The following ABCC9 variants were observed in gnomAD, a reference collection of about 807,000 sequenced individuals.
ABCC9 encodes ATP binding cassette subfamily C member 9.
ABCC9 carries 95 observed loss-of-function variants against 188.3 expected under a neutral mutation model. That is an observed-to-expected ratio of 0.50 (90% CI 0.43 to 0.60). The LOEUF is 0.60. ABCC9 is among the 20% of genes least tolerant of loss of function. The probability of loss-of-function intolerance (pLI) is 0.00; values close to 1 mark genes in which losing one functional copy is unlikely to be tolerated. For synonymous variants in ABCC9, 659 were observed against 652.7 expected (o/e 1.01, Z -0.15); for missense variants, 1,102 against 1,876.3 (o/e 0.59, Z 7.62).
chr12:21,861,006 A>G lies in ABCC9; in HGVS notation c.2389T>C (p.Leu797=). Reference sequence around the variant, plus strand: ...ATTTCAGTTTGATCTCCAAATGGTAATAAGTCAATATCTGGCTGAAGAGAA... The same window carrying G: ...ATTTCAGTTTGATCTCCAAATGGTAGTAAGTCAATATCTGGCTGAAGAGAA... ...ACSLQPDIDL[L]PFGDQTEIGE... The change falls in exon 21 of 40, where the codon TTA becomes CTA. Residue 797 remains leucine, a synonymous_variant. Coordinates refer to ENST00000261200, the MANE Select transcript of ABCC9 (RefSeq NM_020297.4). 1 of 1,613,688 alleles carries G rather than the reference A, an allele frequency of 6.2e-7. No individual in the cohort carries two copies. Among genetic ancestry groups the G allele is most frequent in the African/African-American group, 1.3e-5 (1 of 75,022 alleles).
intron 5 of ABCC9, among the ~76,000 whole-genome samples, chr12:21,919,490 T>C (rs930991965): frequency 7.2e-5 from 11 of 151,972 alleles, no homozygotes; most frequent in African/African-American, 2.7e-4. Context: ...GTAGATACTC[T>C]GAAAATTCTA....
chr12:21,812,792 T>A (rs571382959), intron 35 of ABCC9, among the ~76,000 whole-genome samples: 4 of 152,136 alleles, frequency 2.6e-5, no homozygotes, highest in Non-Finnish European at 5.9e-5. Context: ...GGCACATGTA[T>A]ACCTATGTAA....
intron 20 of ABCC9, among the ~76,000 whole-genome samples, 171 bp from the exon 21 acceptor site, chr12:21,861,226 C>CG (rs372155001): frequency 6.9e-6 from 1 of 145,950 alleles, no homozygotes; most frequent in East Asian, 2.0e-4. Flanking sequence ...TACTACTTCC[C>CG]CCCCCTTTTT....
chr12:21,931,397 TA>T lies in ABCC9; in HGVS notation c.284+2384del, dbSNP rs746472646. 6.8e-3 allele frequency among the ~76,000 whole-genome samples: 973 copies of T among 142,646 alleles called. 14 individuals carry two copies. The highest frequency in any genetic ancestry group is 0.025 in the East Asian group (126 of 5,006). 93.6% of individuals were successfully genotyped at this position (142,646 alleles called of 152,430 possible). A position where few individuals can be genotyped will look rare whatever the true frequency, so the allele number is the denominator to read the frequency against. On this transcript the variant is annotated intron_variant, in intron 4 of 39. Coordinates refer to ENST00000261200, the MANE Select transcript of ABCC9 (RefSeq NM_020297.4). ...AGTCAATTAAACCTTTTTACTTTAT[TA>T]AAAAAAAAAAAGAAGTAACTAGAAG...
chr12:21,859,547 A>G, intron 22 of ABCC9, 39 bp downstream of exon 22: 1 of 1,575,674 alleles, frequency 6.3e-7, no homozygotes, highest in Non-Finnish European at 8.7e-7. Context: ...TCCAGATGGA[A>G]GAATGAAATA....
At chr12:21,934,027 G>A (rs1017587667) in intron 3 of ABCC9, 104 bp from the exon 4 acceptor site, 5 of 1,216,386 alleles carry the variant, frequency 4.1e-6, no homozygotes, top group South Asian at 1.3e-5. Context: ...GGGTGGGGGG[G>A]TCCTGAAACC....
At chr12:21,922,288 G>C (rs891536484) in intron 5 of ABCC9, among the ~76,000 whole-genome samples, 1 of 151,628 alleles carries the variant, frequency 6.6e-6, no homozygotes, top group African/African-American at 2.4e-5. Context: ...TCACTTCTTT[G>C]GTTAATTCCT....
At chr12:21,891,232 A>T (rs190297529) in intron 14 of ABCC9, among the ~76,000 whole-genome samples, 1 of 152,298 alleles carries the variant, frequency 6.6e-6, no homozygotes, top group African/African-American at 2.4e-5. Context: ...TCCACAGAAG[A>T]TGCTCTGAGG....
chr12:21,862,650 C>T (rs1275599165), intron 20 of ABCC9, among the ~76,000 whole-genome samples: 1 of 152,116 alleles, frequency 6.6e-6, no homozygotes, highest in African/African-American at 2.4e-5. Context: ...TATCTTCTCA[C>T]CAACAACCTA....
chr12:21,919,009 A>G (rs1268042122), intron 5 of ABCC9, among the ~76,000 whole-genome samples: 2 of 152,176 alleles, frequency 1.3e-5, no homozygotes, highest in Admixed American at 6.6e-5. Context: ...TACATTAACT[A>G]TAATAAAAAT....
At chr12:21,863,492 G>C (rs1945628858) in intron 19 of ABCC9, among the ~76,000 whole-genome samples, 1 of 151,970 alleles carries the variant, frequency 6.6e-6, no homozygotes, top group Admixed American at 6.6e-5. Flanking sequence ...TGGCTTTGTG[G>C]CTTAATCACA....
intron 14 of ABCC9, among the ~76,000 whole-genome samples, chr12:21,893,250 C>G (rs763905791): frequency 1.3e-5 from 2 of 152,070 alleles, no homozygotes; most frequent in Non-Finnish European, 2.9e-5. Flanking sequence ...GAGACAAAAT[C>G]TGCACTGGTT....
chr12:21,887,796 C>T, intron 15 of ABCC9, 30 bp downstream of exon 15: 1 of 1,425,584 alleles, frequency 7.0e-7, no homozygotes, highest in Non-Finnish European at 9.9e-7. Context: ...CCTCTATTCA[C>T]AACTTCCAAA....
At chr12:21,841,347 CTTTTTTTTTTTT>C (rs1174314931) in intron 29 of ABCC9, among the ~76,000 whole-genome samples, 375 of 19,572 alleles carry the variant, frequency 0.019, 3 homozygotes, top group African/African-American at 0.089. Flanking sequence ...TTCTGGTTTC[CTTTTTTTTTTTT>C]TTTTTTTTTT....
chr12:21,850,610 G>C (rs4148674), intron 24 of ABCC9, among the ~76,000 whole-genome samples: 53,929 of 151,978 alleles, frequency 0.35, 10,212 homozygotes, highest in Middle Eastern at 0.49. Context: ...ACAACTTAAT[G>C]GACTTTCTTC....
intron 5 of ABCC9, 34 bp downstream of exon 5, chr12:21,925,908 T>G: frequency 2.6e-5 from 41 of 1,596,178 alleles, no homozygotes; most frequent in Non-Finnish European, 3.4e-5. Flanking sequence ...CAAATATCTC[T>G]TTAAGGAGAA....
At chr12:21,895,125 C>T (rs1184070843) in intron 13 of ABCC9, 150 bp downstream of exon 13, 1 of 680,012 alleles carries the variant, frequency 1.5e-6, no homozygotes, top group African/African-American at 1.8e-5. Context: ...TACTGAGAAA[C>T]CCTGGATTAG....
rs886295615 is a variant in ABCC9 at position 21,861,032 on chromosome 12, C to T, written c.2363G>A (p.Cys788Tyr). The change falls in exon 21 of 40, where the codon TGT (cysteine) becomes TAT (tyrosine). Residue 788 changes from cysteine (C) to tyrosine (Y), a missense_variant. By Grantham distance (194) the Cys-to-Tyr change is radical. Coordinates refer to ENST00000261200, the MANE Select transcript of ABCC9 (RefSeq NM_020297.4). ...TAAGTCAATATCTGGCTGAAGAGAA[C>T]AGGCATCTGTGACAGCTTTGTACCT... ...KQRYKAVTDACSLQPDIDLLP... is the reference protein window; with the variant it reads ...KQRYKAVTDAYSLQPDIDLLP... The T allele has an allele frequency of 1.2e-6, 2 of 1,613,442 alleles. No individual in the cohort carries two copies. Among genetic ancestry groups the T allele is most frequent in the Non-Finnish European group, 1.7e-6 (2 of 1,179,768 alleles).
At chr12:21,830,060 A>G (rs1170990759) in intron 30 of ABCC9, among the ~76,000 whole-genome samples, 1 of 152,156 alleles carries the variant, frequency 6.6e-6, no homozygotes, top group Non-Finnish European at 1.5e-5. Context: ...TCAGGGTTCT[A>G]TGATATATAT....
Sources: gnomAD v4.1 joint callset for allele counts (sites outside exome capture counted in the v4.1 genomes callset) on GRCh38, gnomAD v4.1.1 for gene constraint, MANE v1.5 for transcripts, NCBI Gene and HGNC (gene_info 2026-07-23, HGNC 2026-07-21) for gene names.